VPS13B: variants seen among roughly 807,000 people sequenced by gnomAD.
VPS13B encodes vacuolar protein sorting 13 homolog B, also known as intermembrane lipid transfer protein VPS13B.
In VPS13B, 285 loss-of-function variants were observed where a neutral mutation model predicts 426.4. The ratio of observed to expected loss-of-function variants is 0.67; its 90% confidence interval spans 0.61 to 0.74. The LOEUF (loss-of-function observed/expected upper bound fraction) is 0.74. Ranked by LOEUF, VPS13B falls within the 30% of genes least tolerant of loss-of-function variation. The pLI, the probability that VPS13B is intolerant of heterozygous loss-of-function variation, is 0.00. For synonymous variants in VPS13B, 1,676 were observed against 1,676.4 expected, an observed-to-expected ratio of 1.00 and a Z score of 0.01; for missense variants, 4,537 against 4,782.6, an observed-to-expected ratio of 0.95 and a Z score of 1.51.
chr8:99,385,788 G>C (rs1036742871), intron 20 of VPS13B, among the ~76,000 whole-genome samples: 1 of 152,162 alleles, frequency 6.6e-6, no homozygotes, highest in African/African-American at 2.4e-5. Context: ...GAGTATTCTA[G>C]GAGTGAGACA....
intron 33 of VPS13B, among the ~76,000 whole-genome samples, chr8:99,633,221 A>G (rs1828920176): frequency 6.6e-6 from 1 of 152,066 alleles, no homozygotes; most frequent in Non-Finnish European, 1.5e-5. Flanking sequence ...TATTTCATCA[A>G]TAGAAATTTC....
chr8:99,090,760 A>G (rs924906741), intron 3 of VPS13B, among the ~76,000 whole-genome samples: 8 of 152,166 alleles, frequency 5.3e-5, no homozygotes, highest in Non-Finnish European at 7.3e-5. Context: ...AACAAAGTGC[A>G]GTTAAATTAA....
At position 99,720,891 on chromosome 8, in the gene VPS13B, A is replaced by G. The variant is rs1833104934; in HGVS notation, c.6894A>G (p.Glu2298=). The change falls in exon 39 of 62, where the codon GAA becomes GAG. Residue 2298 remains glutamate (E), a synonymous_variant. Coordinates refer to ENST00000357162, the MANE Select transcript of VPS13B (RefSeq NM_152564.5). The part of the protein sequence containing the change: ...AESLKLPGVY[E]VLFYNETEDC... ...CTTTGAAATTGCCTGGGGTCTATGA[A>G]GTCTTATTTTATAATGAAACTGAAG... The G allele has an allele frequency of 6.2e-7, 1 of 1,613,648 alleles. No homozygotes were observed. Among genetic ancestry groups the G allele is most frequent in the Non-Finnish European group, 8.5e-7 (1 of 1,179,872 alleles).
At chr8:99,303,256 CT>C (rs1820462366) in intron 19 of VPS13B, among the ~76,000 whole-genome samples, 1 of 5,932 alleles carries the variant, frequency 1.7e-4, no homozygotes, top group African/African-American at 7.2e-4. Context: ...CTCAGCCTGT[CT>C]CAAAAAAAAA....
At chr8:99,497,343 A>T (rs1488233476) in intron 25 of VPS13B, among the ~76,000 whole-genome samples, 1 of 142,176 alleles carries the variant, frequency 7.0e-6, no homozygotes, top group African/African-American at 2.5e-5. Context: ...CATAAAATAC[A>T]TATATACATA....
intron 35 of VPS13B, among the ~76,000 whole-genome samples, chr8:99,669,935 C>G (rs1232995196): frequency 6.6e-6 from 1 of 151,902 alleles, no homozygotes; most frequent in Non-Finnish European, 1.5e-5. Flanking sequence ...ATTGCATTTC[C>G]ACAAACCTTT....
chr8:99,747,705 G>A (rs2130520279), intron 39 of VPS13B, among the ~76,000 whole-genome samples: 1 of 152,050 alleles, frequency 6.6e-6, no homozygotes, highest in East Asian at 1.9e-4. Context: ...GTTCTATTGA[G>A]GAAAAAGCCT....
chr8:99,796,595 A>G (rs1237941875), intron 43 of VPS13B: 1 of 152,222 alleles, frequency 6.6e-6, no homozygotes, highest in East Asian at 1.9e-4. Flanking sequence ...TTGCTGTTTA[A>G]CAAACCATCC....
At chr8:99,429,220 T>C (rs991494257) in intron 21 of VPS13B, among the ~76,000 whole-genome samples, 1 of 150,440 alleles carries the variant, frequency 6.6e-6, no homozygotes, top group South Asian at 2.1e-4. Flanking sequence ...ACATGGCACA[T>C]ATATACATAT....
intron 19 of VPS13B, among the ~76,000 whole-genome samples, chr8:99,308,588 A>G (rs543900179): frequency 2.8e-4 from 43 of 152,248 alleles, no homozygotes; most frequent in Admixed American, 2.4e-3. Context: ...ATTGTTGGAC[A>G]TTTGGGTTGG....
chr8:99,437,675 G>A (rs1333679506), intron 22 of VPS13B, among the ~76,000 whole-genome samples: 7 of 152,094 alleles, frequency 4.6e-5, no homozygotes, highest in South Asian at 4.2e-4. Flanking sequence ...CCGAGATTGC[G>A]CCACTGCACT....
At chr8:99,419,019 T>C (rs1816231267) in intron 21 of VPS13B, among the ~76,000 whole-genome samples, 1 of 152,222 alleles carries the variant, frequency 6.6e-6, no homozygotes, top group Admixed American at 6.5e-5. Flanking sequence ...GAACCTTGAC[T>C]TCTGATATGG....
chr8:99,571,318 T>A (rs185658425), intron 31 of VPS13B, among the ~76,000 whole-genome samples: 182 of 152,258 alleles, frequency 1.2e-3, no homozygotes, highest in Middle Eastern at 3.4e-3. Context: ...TCTTTTCTGT[T>A]TTTCTTTTGA....
intron 3 of VPS13B, among the ~76,000 whole-genome samples, chr8:99,039,545 G>GT (rs201743231): frequency 0.025 from 3,476 of 136,886 alleles, 60 homozygotes; most frequent in African/African-American, 0.056. Context: ...TTTTTATTAG[G>GT]TTTTTTTTTT....
chr8:99,602,553 A>T (rs1169239803), intron 33 of VPS13B, among the ~76,000 whole-genome samples: 1 of 152,138 alleles, frequency 6.6e-6, no homozygotes, highest in Non-Finnish European at 1.5e-5. Context: ...CAAGAGAAAG[A>T]AATAAAGGGT....
At chr8:99,052,004 T>A (rs1057396981) in intron 3 of VPS13B, among the ~76,000 whole-genome samples, 11 of 152,134 alleles carry the variant, frequency 7.2e-5, no homozygotes, top group Non-Finnish European at 1.6e-4. Context: ...CCTCTTTTCC[T>A]AATTGAATAC....
intron 2 of VPS13B, among the ~76,000 whole-genome samples, chr8:99,024,259 CGT>C (rs1341934022): frequency 6.6e-6 from 1 of 152,132 alleles, no homozygotes; most frequent in African/African-American, 2.4e-5. Flanking sequence ...TCTCTTTGTG[CGT>C]GTGTGTGAGA....
intron 23 of VPS13B, among the ~76,000 whole-genome samples, chr8:99,467,103 T>C (rs1819149868): frequency 6.6e-6 from 1 of 152,124 alleles, no homozygotes; most frequent in African/African-American, 2.4e-5. Context: ...CCTCCAGGGT[T>C]TGCATACGTC....
At chr8:99,321,906 G>A (rs1190156389) in intron 19 of VPS13B, among the ~76,000 whole-genome samples, 1 of 152,098 alleles carries the variant, frequency 6.6e-6, no homozygotes, top group African/African-American at 2.4e-5. Context: ...TAAGACTGTG[G>A]GAATGAAAGT....
Sources: allele counts gnomAD v4.1 joint callset (sites outside exome capture counted in the v4.1 genomes callset), GRCh38; gene constraint gnomAD v4.1.1; transcripts MANE v1.5; gene names NCBI Gene and HGNC (gene_info 2026-07-23, HGNC 2026-07-21).